NCOA7: variants seen among roughly 807,000 people sequenced by gnomAD.
NCOA7 encodes 140 kDa estrogen receptor-associated protein.
NCOA7 carries 45 observed loss-of-function variants against 104.3 expected under a neutral mutation model. The ratio of observed to expected loss-of-function variants is 0.43; its 90% CI spans 0.34 to 0.55. The LOEUF (loss-of-function observed/expected upper bound fraction) is 0.55. NCOA7 is among the 20% of genes least tolerant of loss of function. The pLI, the probability that NCOA7 is intolerant of heterozygous loss-of-function variation, is 0.02. For synonymous variants in NCOA7, 398 were observed against 402.3 expected (o/e 0.99, Z 0.13); for missense variants, 1,041 against 1,119.7 (o/e 0.93, Z 1.00).
chr6:125,863,513 G>A (rs1782214127), intron 3 of NCOA7, among the ~76,000 whole-genome samples: 1 of 138,098 alleles, frequency 7.2e-6, no homozygotes, highest in Admixed American at 6.9e-5. Flanking sequence ...CCCAAATGTG[G>A]TTTGGGCTGA....
intron 3 of NCOA7, chr6:125,855,601 A>G (rs1781482825): frequency 6.4e-6 from 1 of 155,070 alleles, no homozygotes; most frequent in Non-Finnish European, 1.4e-5. Context: ...GCTAGACAGT[A>G]GAAAATGGAG....
At chr6:125,848,020 A>G (rs1450743560) in intron 2 of NCOA7, among the ~76,000 whole-genome samples, 2 of 152,248 alleles carry the variant, frequency 1.3e-5, no homozygotes, top group African/African-American at 2.4e-5. Context: ...AAAAGAAGAC[A>G]TTTATGCAGC....
intron 3 of NCOA7, among the ~76,000 whole-genome samples, chr6:125,869,935 C>T (rs1429614411): frequency 6.6e-6 from 1 of 152,234 alleles, no homozygotes; most frequent in Non-Finnish European, 1.5e-5. Context: ...TTTCGAACCA[C>T]AAATGTGTAG....
At chr6:125,867,344 A>G (rs903819671) in intron 3 of NCOA7, among the ~76,000 whole-genome samples, 1 of 152,236 alleles carries the variant, frequency 6.6e-6, no homozygotes, top group Non-Finnish European at 1.5e-5. Context: ...AGATTTCAGA[A>G]CCAAGTTGGG....
chr6:125,916,117 G>A (rs1439608810), intron 11 of NCOA7, among the ~76,000 whole-genome samples: 3 of 152,110 alleles, frequency 2.0e-5, no homozygotes, highest in Non-Finnish European at 4.4e-5. Flanking sequence ...TGGATCATGG[G>A]GACAGTTTCC....
chr6:125,892,893 A>G (rs1183706857), intron 10 of NCOA7, among the ~76,000 whole-genome samples: 1 of 151,696 alleles, frequency 6.6e-6, no homozygotes, highest in Non-Finnish European at 1.5e-5. Context: ...GATGTTAGGA[A>G]TTTTTTTGTG....
Position 125,929,787 on chromosome 6 carries a change from A to G in NCOA7, c.*1016A>G, listed in dbSNP as rs1277128113. 4 of 152,216 alleles carry G rather than the reference A, an allele frequency of 2.6e-5. No individual in the cohort carries two copies. The highest frequency in any genetic ancestry group is 9.6e-5 in the African/African-American group (4 of 41,466). The allele number at this position is 152,216 out of a possible 1,614,324, so 9.4% of individuals were successfully genotyped here. A position where few individuals can be genotyped will look rare whatever the true frequency, so the allele number is the denominator to read the frequency against. On this transcript the variant is annotated 3_prime_UTR_variant, in exon 16 of 16. Coordinates refer to ENST00000392477, the MANE Select transcript of NCOA7 (RefSeq NM_181782.5). ...GCTTCTTACAAAATCATTTGTGTTA[A>G]TAACAAAAACTTTATTTTCGGAGTG...
chr6:125,910,889 T>G (rs185995591), intron 10 of NCOA7, among the ~76,000 whole-genome samples: 1 of 152,336 alleles, frequency 6.6e-6, no homozygotes, highest in African/African-American at 2.4e-5. Context: ...GCTGTCTATA[T>G]ACTGGTTTGG....
intron 1 of NCOA7, among the ~76,000 whole-genome samples, chr6:125,811,829 C>T (rs1198601234): frequency 6.6e-6 from 1 of 152,214 alleles, no homozygotes; most frequent in Non-Finnish European, 1.5e-5. Context: ...CTCCCTGTCC[C>T]AGTGGCTAGG....
intron 2 of NCOA7, among the ~76,000 whole-genome samples, chr6:125,841,743 T>C (rs1190587840): frequency 6.6e-6 from 1 of 152,144 alleles, no homozygotes; most frequent in Non-Finnish European, 1.5e-5. Flanking sequence ...ACCCCAGAAA[T>C]TCTGTTTTTG....
intron 13 of NCOA7, 31 bp from the exon 14 acceptor site, chr6:125,927,632 T>A (rs764484536): frequency 6.6e-7 from 1 of 1,520,638 alleles, no homozygotes; most frequent in South Asian, 1.1e-5. Flanking sequence ...TAGGTTTGAA[T>A]GTAGGTAACA....
chr6:125,885,116 A>C (rs748055836), intron 7 of NCOA7, 43 bp from the exon 8 acceptor site: 1 of 1,603,060 alleles, frequency 6.2e-7, no homozygotes, highest in South Asian at 1.1e-5. Context: ...TGCTGAAAGC[A>C]TTTCTGCCTG....
chr6:125,926,794 A>T (rs1208843801), intron 13 of NCOA7, among the ~76,000 whole-genome samples: 1 of 152,224 alleles, frequency 6.6e-6, no homozygotes, highest in Non-Finnish European at 1.5e-5. Flanking sequence ...CCTACATTTA[A>T]AGCAATGTTC....
chr6:125,871,510 A>G (rs1011127938), intron 3 of NCOA7, among the ~76,000 whole-genome samples: 4 of 152,260 alleles, frequency 2.6e-5, no homozygotes, highest in Non-Finnish European at 4.4e-5. Flanking sequence ...TTGAGCTATA[A>G]TGATATAAAG....
At chr6:125,877,538 A>C (rs1783484176) in intron 4 of NCOA7, among the ~76,000 whole-genome samples, 1 of 152,046 alleles carries the variant, frequency 6.6e-6, no homozygotes, top group South Asian at 2.1e-4. Context: ...TTCTGGGTAG[A>C]GCTGTTTTCC....
intron 7 of NCOA7, 61 bp from the exon 8 acceptor site, chr6:125,885,098 G>A: frequency 6.4e-7 from 1 of 1,565,922 alleles, no homozygotes; most frequent in African/African-American, 1.3e-5. Context: ...TTAAAGCTCT[G>A]TGGTAGTTGC....
chr6:125,829,662 T>C (rs1428640095), intron 2 of NCOA7, among the ~76,000 whole-genome samples: 2 of 124,222 alleles, frequency 1.6e-5, no homozygotes, highest in African/African-American at 6.1e-5. Context: ...GTAAATTTCT[T>C]TTCCTGCATT....
At chr6:125,913,543 T>C in intron 10 of NCOA7, 2 of 590,582 alleles carry the variant, frequency 3.4e-6, no homozygotes, top group Non-Finnish European at 4.3e-6. Flanking sequence ...CCATGTACAA[T>C]CATAGTATCT....
intron 11 of NCOA7, among the ~76,000 whole-genome samples, chr6:125,915,931 T>C (rs1054050951): frequency 1.3e-5 from 2 of 152,242 alleles, no homozygotes; most frequent in Non-Finnish European, 2.9e-5. Flanking sequence ...TTGTTATTAA[T>C]TTTTATTGAA....
Sources: gnomAD v4.1 joint callset for allele counts (sites outside exome capture counted in the v4.1 genomes callset) on GRCh38, gnomAD v4.1.1 for gene constraint, MANE v1.5 for transcripts, NCBI Gene and HGNC (gene_info 2026-07-23, HGNC 2026-07-21) for gene names.